The following TENM4 variants were observed in gnomAD, a reference collection of about 807,000 sequenced individuals.
TENM4 encodes the protein teneurin-4.
Under a neutral mutation model 243.3 loss-of-function variants are expected in TENM4, and 82 were observed. That is an observed-to-expected ratio of 0.34 (90% CI 0.28 to 0.40). The LOEUF (loss-of-function observed/expected upper bound fraction) is 0.40, where lower values mean the gene tolerates loss of function less well. Ranked by LOEUF, TENM4 falls within the 10% of genes least tolerant of loss-of-function variation. The pLI is 1.00. For missense variants in TENM4, 3,138 were observed against 3,673.3 expected (o/e 0.85, Z 3.77); for synonymous variants, 1,412 against 1,456.3 (o/e 0.97, Z 0.69).
chr11:79,051,027 A>G (rs912978899), intron 6 of TENM4, among the ~76,000 whole-genome samples: 1 of 152,238 alleles, frequency 6.6e-6, no homozygotes, highest in African/African-American at 2.4e-5. Context: ...CATCTCCTCC[A>G]TGGGCCAGCT....
At chr11:79,012,847 T>G (rs1858680126) in intron 6 of TENM4, among the ~76,000 whole-genome samples, 2 of 152,144 alleles carry the variant, frequency 1.3e-5, no homozygotes, top group Non-Finnish European at 1.5e-5. Context: ...GCACTCCATC[T>G]CACAGAACTA....
At chr11:78,700,209 T>A (rs1422526624) in intron 28 of TENM4, among the ~76,000 whole-genome samples, 1 of 152,202 alleles carries the variant, frequency 6.6e-6, no homozygotes, top group Non-Finnish European at 1.5e-5. Flanking sequence ...ATTAACAAAC[T>A]CAGTGTGGCA....
At chr11:79,228,277 G>C (rs1198486840) in intron 2 of TENM4, among the ~76,000 whole-genome samples, 1 of 152,170 alleles carries the variant, frequency 6.6e-6, no homozygotes, top group Non-Finnish European at 1.5e-5. Flanking sequence ...TGGAATCCCA[G>C]AGCCAGGACA....
At chr11:79,072,801 G>A (rs1245111626) in intron 4 of TENM4, among the ~76,000 whole-genome samples, 1 of 152,026 alleles carries the variant, frequency 6.6e-6, no homozygotes, top group Non-Finnish European at 1.5e-5. Flanking sequence ...CAATAATGAT[G>A]ATGATAATAA....
intron 1 of TENM4, among the ~76,000 whole-genome samples, chr11:79,359,276 C>A (rs1857551268): frequency 1.3e-5 from 2 of 152,160 alleles, no homozygotes; most frequent in Admixed American, 1.3e-4. Flanking sequence ...AAGAATGAAT[C>A]CAGTATTAAA....
intron 6 of TENM4, among the ~76,000 whole-genome samples, chr11:78,948,626 C>A (rs1325601678): frequency 6.6e-6 from 1 of 152,212 alleles, no homozygotes; most frequent in Non-Finnish European, 1.5e-5. Flanking sequence ...CTGCCTTGGC[C>A]TCCCAAAGTG....
In TENM4 at chr11:79,400,656, C is replaced by T. The variant is rs531863350; in HGVS notation, c.-321+39853G>A. On this transcript the variant is annotated intron_variant, in intron 1 of 33. Transcript: ENST00000278550. ...CTCAGTTTCCTTGCTTACAAAATGGCAATTGTAATAGTGCCTGTGTCACAG... is the reference window on the plus strand; with the variant it reads ...CTCAGTTTCCTTGCTTACAAAATGGTAATTGTAATAGTGCCTGTGTCACAG... Among the ~76,000 whole-genome samples, 6 of 152,270 alleles carry T rather than the reference C, an allele frequency of 3.9e-5. No individual in the cohort carries two copies. In the South Asian group the frequency reaches 8.3e-4, roughly 21 times the overall value.
intron 6 of TENM4, among the ~76,000 whole-genome samples, chr11:78,936,541 C>A (rs994984689): frequency 6.6e-6 from 1 of 152,116 alleles, no homozygotes; most frequent in Non-Finnish European, 1.5e-5. Context: ...GGAAAAGGGG[C>A]CATCAGAAAG....
chr11:79,288,454 AAAAT>A (rs1036970829), intron 2 of TENM4, among the ~76,000 whole-genome samples: 4 of 152,228 alleles, frequency 2.6e-5, no homozygotes, highest in Admixed American at 2.0e-4. Context: ...TGTGGGATTG[AAAAT>A]CAAACTATGT....
chr11:78,720,284 G>T, intron 25 of TENM4, 86 bp downstream of exon 25: 1 of 1,469,186 alleles, frequency 6.8e-7, no homozygotes, highest in Non-Finnish European at 9.5e-7. Flanking sequence ...TTGCCATACA[G>T]CCATTTGAAA....
At chr11:79,295,202 G>A (rs2135388401) in intron 2 of TENM4, among the ~76,000 whole-genome samples, 1 of 152,298 alleles carries the variant, frequency 6.6e-6, no homozygotes, top group South Asian at 2.1e-4. Context: ...TGATAAGCCT[G>A]TTGCTAAGCC....
intron 6 of TENM4, among the ~76,000 whole-genome samples, chr11:79,000,673 T>C (rs944024762): frequency 1.3e-5 from 2 of 152,194 alleles, no homozygotes; most frequent in East Asian, 1.9e-4. Context: ...AAAAACTTTA[T>C]TTAACATACA....
chr11:79,400,958 A>C (rs781634733), intron 1 of TENM4, among the ~76,000 whole-genome samples: 4 of 152,232 alleles, frequency 2.6e-5, no homozygotes, highest in African/African-American at 4.8e-5. Flanking sequence ...TTGGGACAGC[A>C]GGTGGCATAT....
intron 4 of TENM4, among the ~76,000 whole-genome samples, chr11:79,112,654 A>T (rs914749719): frequency 6.6e-6 from 1 of 152,132 alleles, no homozygotes; most frequent in Non-Finnish European, 1.5e-5. Flanking sequence ...CCTTTACAGC[A>T]CGAACACACC....
intron 6 of TENM4, among the ~76,000 whole-genome samples, chr11:78,959,719 C>A (rs1487748985): frequency 6.6e-6 from 1 of 152,182 alleles, no homozygotes; most frequent in Non-Finnish European, 1.5e-5. Context: ...CATGGAGGAG[C>A]AGCAATGAGC....
chr11:79,210,693 C>T (rs1019867762), intron 3 of TENM4, among the ~76,000 whole-genome samples: 1 of 152,290 alleles, frequency 6.6e-6, no homozygotes, highest in East Asian at 1.9e-4. Context: ...GAAAACACCG[C>T]CAACTGCTGC....
At position 78,891,335 on chromosome 11, in the gene TENM4, T is replaced by C. The variant is rs1212156015; in HGVS notation, c.751A>G (p.Asn251Asp). The C allele has an allele frequency of 3.9e-6, 6 of 1,551,326 alleles. No homozygotes were observed. The highest frequency in any genetic ancestry group is 5.2e-6 in the Non-Finnish European group (6 of 1,146,838). ...CCTAGGAATGGCTGCTTGCCTAGGT[T>C]TCTACGCACACATGGAGACATGAAT... ...LNSNIPLETR[N>D]LGKQPFLGTL... Residue 251 changes from asparagine to aspartate, a missense_variant and splice_region_variant, in exon 8 of 34, where the codon AAC (asparagine) becomes GAC (aspartate). Coordinates refer to ENST00000278550, the MANE Select transcript of TENM4 (RefSeq NM_001098816.3).
rs563167513 is a variant in TENM4, at chr11:78,902,635, C to T, written c.749+633G>A. Among the ~76,000 whole-genome samples, 14 of 152,308 alleles carry T rather than the reference C, an allele frequency of 9.2e-5. No individual in the cohort carries two copies. The South Asian group carries it at 2.9e-3, about 32-fold the overall frequency. On this transcript the variant is annotated intron_variant, in intron 7 of 33. Transcript: ENST00000278550. ...CAAATGGGGATTATCATCCTAATAC[C>T]CACTTCATAGAGGTATGAGGATTAC...
chr11:78,866,027 T>G (rs1858966018), intron 9 of TENM4, among the ~76,000 whole-genome samples: 1 of 152,360 alleles, frequency 6.6e-6, no homozygotes, highest in South Asian at 2.1e-4. Context: ...CACTGACATT[T>G]ATTGAGCACC....
Sources: allele counts gnomAD v4.1 joint callset (sites outside exome capture counted in the v4.1 genomes callset), GRCh38; gene constraint gnomAD v4.1.1; transcripts MANE v1.5; gene names NCBI Gene and HGNC (gene_info 2026-07-23, HGNC 2026-07-21).